RBFOX1: variants seen among roughly 807,000 people sequenced by gnomAD.
The protein encoded by RBFOX1 is RNA binding fox-1 homolog 1, also known as RNA binding protein fox-1 homolog 1.
In RBFOX1, 8 loss-of-function variants were observed where a neutral mutation model predicts 57.7. That is an observed-to-expected ratio of 0.14 (90% CI 0.08 to 0.25). The LOEUF (loss-of-function observed/expected upper bound fraction) is 0.25. RBFOX1 is among the 10% of genes least tolerant of loss of function. RBFOX1 has a pLI of 1.00. For missense variants in RBFOX1, 611 were observed against 548.5 expected (o/e 1.11, Z -1.14); for synonymous variants, 326 against 222.4 (o/e 1.47, Z -4.15).
At chr16:5,471,563 G>GT (rs2069136254) in intron 2 of RBFOX1, among the ~76,000 whole-genome samples, 1 of 152,120 alleles carries the variant, frequency 6.6e-6, no homozygotes, top group African/African-American at 2.4e-5. Flanking sequence ...GGGCATGTAG[G>GT]TGCCCACCCC....
chr16:5,720,861 G>A (rs1205594467), intron 3 of RBFOX1, among the ~76,000 whole-genome samples: 4 of 152,190 alleles, frequency 2.6e-5, no homozygotes, highest in Admixed American at 6.5e-5. Context: ...AAATTGGGAA[G>A]TGTGAGTCTC....
At chr16:5,992,759 C>G (rs1332606654) in intron 4 of RBFOX1, among the ~76,000 whole-genome samples, 1 of 152,134 alleles carries the variant, frequency 6.6e-6, no homozygotes, top group Non-Finnish European at 1.5e-5. Context: ...CATGGTGAAA[C>G]CTTGTCTCTG....
chr16:7,167,152 A>C (rs2079735012), intron 4 of RBFOX1, among the ~76,000 whole-genome samples: 1 of 150,864 alleles, frequency 6.6e-6, no homozygotes, highest in Non-Finnish European at 1.5e-5. Context: ...TACGTGGCTA[A>C]TTTTTGTGTT....
At chr16:5,727,013 C>T (rs1377227281) in intron 3 of RBFOX1, among the ~76,000 whole-genome samples, 1 of 152,176 alleles carries the variant, frequency 6.6e-6, no homozygotes, top group Non-Finnish European at 1.5e-5. Flanking sequence ...AATCCCAGCA[C>T]TTTGGGAGGC....
chr16:6,610,478 C>T (rs766817975), intron 2 of RBFOX1, among the ~76,000 whole-genome samples: 18 of 152,038 alleles, frequency 1.2e-4, no homozygotes, highest in Admixed American at 1.1e-3. Context: ...CAGGTGCATG[C>T]CACCACACTC....
rs576304412 is a variant in RBFOX1, at chr16:7,414,386, A to T, written c.28-103761A>T. The stretch of plus-strand genomic sequence containing the variant: ...GGTGGTCAAAAGTCTTTCTGAGAAG[A>T]TTACATGAGAGGAAAGATGGAATAA... On this transcript the variant is annotated intron_variant, in intron 4 of 15. Coordinates refer to ENST00000550418, the MANE Select transcript of RBFOX1 (RefSeq NM_018723.4). 4.6e-5 allele frequency among the ~76,000 whole-genome samples: 7 copies of T among 152,310 alleles called. No homozygotes were observed. In the East Asian group the frequency reaches 1.4e-3, roughly 29 times the overall value.
At chr16:7,222,557 G>C (rs560063774) in intron 4 of RBFOX1, among the ~76,000 whole-genome samples, 1 of 152,258 alleles carries the variant, frequency 6.6e-6, no homozygotes, top group Non-Finnish European at 1.5e-5. Context: ...AGCAACAATT[G>C]GATATGTGTC....
chr16:6,821,841 A>T (rs554459678), intron 3 of RBFOX1, among the ~76,000 whole-genome samples: 1 of 152,206 alleles, frequency 6.6e-6, no homozygotes, highest in East Asian at 1.9e-4. Flanking sequence ...ATGAAGGTGC[A>T]GGCACTTGTC....
intron 3 of RBFOX1, among the ~76,000 whole-genome samples, chr16:6,957,322 G>A (rs1175381751): frequency 2.6e-5 from 4 of 151,690 alleles, no homozygotes; most frequent in Admixed American, 1.3e-4. Context: ...TAGTACAGAC[G>A]GGGTTTCACC....
chr16:5,867,340 G>C (rs2057366611), intron 4 of RBFOX1: 2 of 1,202,784 alleles, frequency 1.7e-6, no homozygotes, highest in South Asian at 8.4e-5. Flanking sequence ...GCTGAGGTAG[G>C]AAACGTGGTT....
chr16:7,031,640 G>A (rs148087724), intron 3 of RBFOX1, among the ~76,000 whole-genome samples: 4 of 151,994 alleles, frequency 2.6e-5, no homozygotes, highest in African/African-American at 4.8e-5. Context: ...CAATGTCAAC[G>A]ACATCGGGCA....
intron 3 of RBFOX1, among the ~76,000 whole-genome samples, chr16:6,833,037 C>G (rs1262178470): frequency 1.3e-5 from 2 of 152,138 alleles, no homozygotes; most frequent in African/African-American, 4.8e-5. Flanking sequence ...GGCCTCTTTT[C>G]TCTTATTCAA....
At chr16:6,760,931 C>G (rs972069510) in intron 3 of RBFOX1, among the ~76,000 whole-genome samples, 2 of 152,142 alleles carry the variant, frequency 1.3e-5, no homozygotes, top group Non-Finnish European at 2.9e-5. Context: ...GTCAATGCCA[C>G]CCATCAGGAT....
chr16:6,393,584 C>A (rs892908783), intron 2 of RBFOX1, among the ~76,000 whole-genome samples: 1 of 152,188 alleles, frequency 6.6e-6, no homozygotes, highest in African/African-American at 2.4e-5. Context: ...AGTTCCCTTT[C>A]AATCTTGGGG....
At chr16:6,574,017 A>C (rs899622810) in intron 2 of RBFOX1, 1 of 152,286 alleles carries the variant, frequency 6.6e-6, no homozygotes, top group African/African-American at 2.4e-5. Context: ...AGCCAGCTTC[A>C]CTGTCACCCA....
intron 3 of RBFOX1, among the ~76,000 whole-genome samples, chr16:6,810,918 A>T (rs1445380587): frequency 2.6e-5 from 4 of 152,194 alleles, no homozygotes; most frequent in Non-Finnish European, 4.4e-5. Flanking sequence ...GACGGAGCCA[A>T]ATCATATCAA....
At chr16:6,021,790 G>A (rs2095084232) in intron 1 of RBFOX1, among the ~76,000 whole-genome samples, 1 of 152,204 alleles carries the variant, frequency 6.6e-6, no homozygotes, top group Non-Finnish European at 1.5e-5. Context: ...TGAGCTTCGG[G>A]TTGTCACCTG....
chr16:7,533,858 C>T (rs559408749), intron 5 of RBFOX1, among the ~76,000 whole-genome samples: 1 of 152,224 alleles, frequency 6.6e-6, no homozygotes, highest in African/African-American at 2.4e-5. Context: ...ATGAGTTTCT[C>T]AGTTGTTATT....
At chr16:7,542,800 A>C (rs1392369633) in intron 5 of RBFOX1, among the ~76,000 whole-genome samples, 2 of 108,252 alleles carry the variant, frequency 1.8e-5, no homozygotes, top group Non-Finnish European at 4.1e-5. Flanking sequence ...CTGGGAGGCA[A>C]GACTGTCTGA....
Sources: allele counts gnomAD v4.1 joint callset (sites outside exome capture counted in the v4.1 genomes callset), GRCh38; gene constraint gnomAD v4.1.1; transcripts MANE v1.5; gene names NCBI Gene and HGNC (gene_info 2026-07-23, HGNC 2026-07-21).